Variants in NUP210 observed in about 807,000 individuals in gnomAD.
NUP210 encodes nuclear pore membrane glycoprotein 210.
A neutral mutation model predicts 196.0 loss-of-function variants in NUP210; 151 were observed. That is an observed-to-expected ratio of 0.77 (90% CI 0.67 to 0.88). NUP210 has a LOEUF of 0.88. NUP210 is among the 40% of genes least tolerant of loss of function. NUP210 has a pLI of 0.00. For missense variants in NUP210, 2,314 were observed against 2,493.7 expected (o/e 0.93, Z 1.53); for synonymous variants, 1,070 against 1,052.7 (o/e 1.02, Z -0.32).
rs1329144549 is a variant in NUP210, at chr3:13,420,037, C to A, written c.167+23G>T. The A allele has an allele frequency of 2.5e-6, 3 of 1,218,918 alleles. No individual in the cohort carries two copies. Among genetic ancestry groups the A allele is most frequent in the South Asian group, 2.2e-5 (1 of 45,878 alleles). 75.5% of individuals were successfully genotyped at this position (1,218,918 alleles called of 1,614,324 possible). ...GGCCCAGCCCGGCCCACGGCGCCCGCCCGGCCCGGCCGCGCGCCTCACCAG... is the reference window on the plus strand; with the variant it reads ...GGCCCAGCCCGGCCCACGGCGCCCGACCGGCCCGGCCGCGCGCCTCACCAG... On this transcript the variant is annotated intron_variant, in intron 1 of 39. Transcript: ENST00000254508. The surrounding 1 kb of genome is among the most constrained non-coding windows in gnomAD (Gnocchi z 4.8).
At chr3:13,382,391 A>G (rs1456119777) in intron 6 of NUP210, among the ~76,000 whole-genome samples, 1 of 152,220 alleles carries the variant, frequency 6.6e-6, no homozygotes, top group Non-Finnish European at 1.5e-5. Flanking sequence ...ACTTGCAGAC[A>G]TGATGTGACT....
chr3:13,337,177 CTGGAGCTCTAGGAGGCCA>C (rs1269869936), intron 26 of NUP210: 1 of 396,812 alleles, frequency 2.5e-6, no homozygotes, highest in Non-Finnish European at 4.8e-6. Context: ...GAAGGAGTCC[CTGGAGCTCTAGGAGGCCA>C]TGGGTCCCCC....
At position 13,358,309 on chromosome 3, in the gene NUP210, G is replaced by A. The variant is rs986892883; in HGVS notation, c.2241C>T (p.Ala747=). The A allele has an allele frequency of 1.3e-5, 21 of 1,613,768 alleles. No individual in the cohort carries two copies. Among genetic ancestry groups the A allele is most frequent in the Non-Finnish European group, 1.8e-5 (21 of 1,179,908 alleles). ...VEPAVVKFVC[A]PPSRLTLAPV... ...GCGCGAGGGTGAGCCTGGACGGTGG[G>A]GCGCAGACGAACTTCACCACGGCAG... The change falls in exon 16 of 40, where the codon GCC becomes GCT. Residue 747 remains alanine, a synonymous_variant. Transcript: ENST00000254508.
chr3:13,323,328 G>A lies in NUP210; in HGVS notation c.4749C>T (p.Asp1583=). 6.2e-7 allele frequency: 1 copy of A among 1,614,142 alleles called. No homozygotes were observed. The highest frequency in any genetic ancestry group is 8.5e-7 in the Non-Finnish European group (1 of 1,180,014). The change falls in exon 34 of 40, where the codon GAC becomes GAT. Residue 1583 remains aspartate (D), a synonymous_variant. Transcript: ENST00000254508. The surrounding 1 kb of genome is among the most constrained non-coding windows in gnomAD (Gnocchi z 4.3). ...AAGTACCTCTCAGGTTAGAGCTTCT[G>A]TCTCCCACGGCAACAATCACTTTGG... ...TASKVIVAVG[D]RSSNLRGECT...
Position 13,332,273 on chromosome 3 carries a change from A to G in NUP210, c.3935+20T>C. On this transcript the variant is annotated intron_variant, in intron 29 of 39. Transcript: ENST00000254508. ...GCACAGCCGCACAACTTTGCTGGAA[A>G]CAAGAGCTGAGTCACGTACCTGTTT... The G allele has an allele frequency of 8.1e-6, 13 of 1,602,238 alleles. No individual in the cohort carries two copies. Among genetic ancestry groups the G allele is most frequent in the Non-Finnish European group, 1.1e-5 (13 of 1,169,288 alleles).
intron 13 of NUP210, among the ~76,000 whole-genome samples, chr3:13,371,314 C>G (rs1698722425): frequency 1.3e-5 from 2 of 152,166 alleles, no homozygotes; most frequent in Non-Finnish European, 2.9e-5. Flanking sequence ...AGATCCTTCT[C>G]CTAGGGTGGT....
intron 36 of NUP210, among the ~76,000 whole-genome samples, chr3:13,320,524 T>G (rs1002520995): frequency 1.3e-5 from 2 of 148,988 alleles, no homozygotes; most frequent in Non-Finnish European, 1.5e-5. Flanking sequence ...TCCCAGCTAC[T>G]CAGGAGGCAA....
intron 3 of NUP210, among the ~76,000 whole-genome samples, chr3:13,392,205 C>T (rs1200826155): frequency 6.6e-6 from 1 of 152,194 alleles, no homozygotes; most frequent in East Asian, 1.9e-4. Flanking sequence ...GGCCTGGGGT[C>T]CTGCTTCTCT....
intron 32 of NUP210, 80 bp downstream of exon 32, chr3:13,327,137 A>G (rs1380163667): frequency 1.8e-6 from 2 of 1,141,644 alleles, no homozygotes; most frequent in Non-Finnish European, 2.5e-6. Context: ...ACTGGTGCCG[A>G]GCCCCTGCCC....
At position 13,373,749 on chromosome 3, in the gene NUP210, A is replaced by G. The variant is rs750682784; in HGVS notation, c.1556T>C (p.Val519Ala). The G allele has an allele frequency of 1.2e-6, 2 of 1,614,128 alleles. No individual in the cohort carries two copies. The highest frequency in any genetic ancestry group is 2.2e-5 in the South Asian group (2 of 91,082). ...IGFSVIQAHDVQNPLHFGEMK... is the reference protein window; with the variant it reads ...IGFSVIQAHDAQNPLHFGEMK... ...CTCACCGAAATGGAGTGGGTTCTGC[A>G]CATCATGTGCCTGGATCACACTGAA... The change falls in exon 12 of 40, where the codon GTG (valine) becomes GCG (alanine). Residue 519 changes from valine (V) to alanine (A), a missense_variant. Physicochemically the swap from Val to Ala is moderately conservative, Grantham distance 64. Transcript: ENST00000254508.
At chr3:13,410,986 C>A (rs908759196) in intron 1 of NUP210, among the ~76,000 whole-genome samples, 1 of 150,508 alleles carries the variant, frequency 6.6e-6, no homozygotes, top group African/African-American at 2.4e-5. Flanking sequence ...CTTTGGGAGG[C>A]CAAGGTAGGA....
chr3:13,379,458 A>G lies in NUP210; in HGVS notation c.976+105T>C, dbSNP rs1438565725. 8 of 1,396,130 alleles carry G rather than the reference A, an allele frequency of 5.7e-6. No individual in the cohort carries two copies. Among genetic ancestry groups the G allele is most frequent in the Non-Finnish European group, 7.0e-6 (7 of 992,938 alleles). The allele number at this position is 1,396,130 out of a possible 1,614,324, so 86.5% of individuals were successfully genotyped here. On this transcript the variant is annotated intron_variant, in intron 7 of 39. Coordinates refer to ENST00000254508, the MANE Select transcript of NUP210 (RefSeq NM_024923.4). The surrounding 1 kb of genome is among the most constrained non-coding windows in gnomAD (Gnocchi z 4.2). ...TTCTGATTTTCAGACCGTTGAGGGG[A>G]AACGGCTATTTTTAGCCCTGCCGAG...
intron 1 of NUP210, among the ~76,000 whole-genome samples, chr3:13,401,674 G>A (rs1699845109): frequency 1.3e-5 from 2 of 152,110 alleles, no homozygotes; most frequent in South Asian, 4.1e-4. Flanking sequence ...CCATCCAAAT[G>A]CTGACAGCAC....
chr3:13,380,053 G>A (rs558653626), intron 6 of NUP210, among the ~76,000 whole-genome samples: 13 of 152,154 alleles, frequency 8.5e-5, no homozygotes, highest in South Asian at 2.1e-4. Flanking sequence ...TTGCTTCTAC[G>A]TAGAGGGGGC....
intron 15 of NUP210, among the ~76,000 whole-genome samples, chr3:13,358,842 G>T (rs1274468745): frequency 6.6e-6 from 1 of 152,224 alleles, no homozygotes; most frequent in Non-Finnish European, 1.5e-5. Context: ...TAGGAGCTCT[G>T]CAGGACAACG....
chr3:13,336,889 G>A lies in NUP210; in HGVS notation c.3582C>T (p.Asn1194=). 5.6e-6 allele frequency: 9 copies of A among 1,613,844 alleles called. No homozygotes were observed. The highest frequency in any genetic ancestry group is 7.6e-6 in the Non-Finnish European group (9 of 1,179,868). ...QMPIYVTGIT[N]HQNPFSFGNA... ...TGCCAAAGGAGAAAGGGTTCTGGTG[G>A]TTGGTGATGCCGGTGACATAGATGG... The change falls in exon 27 of 40, where the codon AAC becomes AAT. Residue 1194 remains asparagine, a synonymous_variant. Coordinates refer to ENST00000254508, the MANE Select transcript of NUP210 (RefSeq NM_024923.4).
chr3:13,379,600 C>T lies in NUP210; in HGVS notation c.939G>A (p.Leu313=), dbSNP rs1371484556. 2 of 1,614,184 alleles carry T rather than the reference C, an allele frequency of 1.2e-6. No individual in the cohort carries two copies. The highest frequency in any genetic ancestry group is 1.7e-6 in the Non-Finnish European group (2 of 1,180,046). ...LAQDTSMVTA[L]QLGQSSLVLG... ...GGACGAGGCTGCTCTGTCCCAGCTG[C>T]AGTGCAGTGACCATCGACGTGTCCT... The change falls in exon 7 of 40, where the codon CTG becomes CTA. Residue 313 remains leucine (L), a synonymous_variant. Transcript: ENST00000254508. The surrounding 1 kb of genome is among the most constrained non-coding windows in gnomAD (Gnocchi z 4.2).
intron 14 of NUP210, among the ~76,000 whole-genome samples, chr3:13,362,861 G>A (rs775403484): frequency 2.0e-4 from 30 of 152,202 alleles, no homozygotes; most frequent in Middle Eastern, 3.4e-3. Context: ...CTGCCTGAGC[G>A]TCACCTCCTC....
At chr3:13,370,812 C>T (rs1021893696) in intron 13 of NUP210, among the ~76,000 whole-genome samples, 4 of 152,242 alleles carry the variant, frequency 2.6e-5, no homozygotes, top group African/African-American at 7.2e-5. Flanking sequence ...GCACCACAGG[C>T]GATCCTACAA....
Sources: allele counts gnomAD v4.1 joint callset (sites outside exome capture counted in the v4.1 genomes callset), GRCh38; gene constraint gnomAD v4.1.1; non-coding constraint Gnocchi (gnomAD v3.1); transcripts MANE v1.5; gene names NCBI Gene and HGNC (gene_info 2026-07-23, HGNC 2026-07-21).